Variants in GSE1 observed in about 807,000 individuals in gnomAD.
The protein encoded by GSE1 is Gse1 coiled-coil protein.
Under a neutral mutation model 112.6 loss-of-function variants are expected in GSE1, and 32 were observed. The observed-to-expected ratio is 0.28, with a 90% CI of 0.21 to 0.38. The LOEUF (loss-of-function observed/expected upper bound fraction) is 0.38. Among genes scored for constraint, GSE1 ranks in the 10% least tolerant of loss-of-function variants. GSE1 has a pLI of 1.00. For missense variants in GSE1, 2,348 were observed against 1,699.2 expected, an observed-to-expected ratio of 1.38 and a Z score of -6.71; for synonymous variants, 1,115 against 735.6, an observed-to-expected ratio of 1.52 and a Z score of -8.35.
At chr16:85,659,127 C>T (rs2052216550) in intron 8 of GSE1, among the ~76,000 whole-genome samples, 1 of 152,210 alleles carries the variant, frequency 6.6e-6, no homozygotes, top group Non-Finnish European at 1.5e-5. Context: ...CCTGTGGTTC[C>T]CTGTTGTATT....
intron 1 of GSE1, among the ~76,000 whole-genome samples, chr16:85,325,469 G>C (rs1474535511): frequency 1.3e-5 from 2 of 148,504 alleles, no homozygotes; most frequent in Non-Finnish European, 3.0e-5. Context: ...TTTTTTTTTT[G>C]AGACAGAGTT....
chr16:85,642,835 C>T (rs553990404), intron 2 of GSE1, among the ~76,000 whole-genome samples: 172 of 152,290 alleles, frequency 1.1e-3, no homozygotes, highest in Middle Eastern at 3.4e-3. Flanking sequence ...TCTCCGGGTG[C>T]CCTGCCCTCC....
chr16:85,640,707 G>A (rs765854308), intron 2 of GSE1, among the ~76,000 whole-genome samples: 18 of 152,246 alleles, frequency 1.2e-4, no homozygotes, highest in Non-Finnish European at 1.9e-4. Context: ...CCTTTCTGCC[G>A]CTGCCTCGGA....
chr16:85,436,369 C>T (rs2049246322), intron 2 of GSE1, among the ~76,000 whole-genome samples: 1 of 152,224 alleles, frequency 6.6e-6, no homozygotes, highest in African/African-American at 2.4e-5. Context: ...TGGCCCAGCC[C>T]ATCCTAGCCC....
At chr16:85,325,189 G>A (rs376996822) in intron 1 of GSE1, among the ~76,000 whole-genome samples, 5 of 151,866 alleles carry the variant, frequency 3.3e-5, no homozygotes, top group African/African-American at 1.2e-4. Flanking sequence ...GGCTGGTCTC[G>A]AACTGCTAGC....
At chr16:85,509,829 C>G (rs762366904) in intron 2 of GSE1, among the ~76,000 whole-genome samples, 57 of 147,072 alleles carry the variant, frequency 3.9e-4, no homozygotes, top group Non-Finnish European at 7.4e-4. Context: ...ACTGCAGGAA[C>G]CTTGGAGGTG....
intron 1 of GSE1, among the ~76,000 whole-genome samples, chr16:85,193,001 G>C (rs1011097632): frequency 6.6e-6 from 1 of 152,194 alleles, no homozygotes; most frequent in Non-Finnish European, 1.5e-5. Context: ...AGGGGGCTGG[G>C]AGCCTGCTAG....
At position 85,615,939 on chromosome 16, in the gene GSE1, C is replaced by T. The variant is rs1047404831; in HGVS notation, c.7+2541C>T. ...TTGGGGCCAGGCGTGGGGCGGACAC[C>T]GCGCTCACAGCAGGAAGCCTCCTCC... On this transcript the variant is annotated intron_variant, in intron 1 of 15. Transcript: ENST00000253458. Among the ~76,000 whole-genome samples the T allele has an allele frequency of 8.5e-5, 13 of 152,230 alleles. No individual in the cohort carries two copies. The East Asian group carries it at 1.3e-3, about 16-fold the overall frequency.
chr16:85,447,265 C>T (rs576385225), intron 2 of GSE1, among the ~76,000 whole-genome samples: 3 of 152,292 alleles, frequency 2.0e-5, no homozygotes, highest in Admixed American at 1.3e-4. Context: ...AGGATTCTTT[C>T]TTGGACCACT....
intron 2 of GSE1, among the ~76,000 whole-genome samples, chr16:85,383,119 G>A (rs2047596226): frequency 6.6e-6 from 1 of 151,474 alleles, no homozygotes; most frequent in Admixed American, 6.6e-5. Flanking sequence ...CCCACACACA[G>A]CTCTTGACAC....
intron 2 of GSE1, among the ~76,000 whole-genome samples, chr16:85,400,817 C>G (rs62048537): frequency 2.0e-5 from 3 of 151,202 alleles, no homozygotes; most frequent in East Asian, 2.0e-4. Flanking sequence ...GATTTTGTGT[C>G]TGTGATTATG....
At chr16:85,640,885 T>C (rs1431997853) in intron 2 of GSE1, among the ~76,000 whole-genome samples, 2 of 152,196 alleles carry the variant, frequency 1.3e-5, no homozygotes, top group African/African-American at 4.8e-5. Context: ...ATGGTGCCTC[T>C]CCGTTCTCCT....
At chr16:85,670,831 C>G in intron 14 of GSE1, 164 bp from the exon 15 acceptor site, 1 of 541,206 alleles carries the variant, frequency 1.8e-6, no homozygotes, top group Non-Finnish European at 3.4e-6. Context: ...TTTATCGGTA[C>G]AATTCAAAGG....
chr16:85,253,063 CCCCCCA>C (rs1906668225), intron 1 of GSE1, among the ~76,000 whole-genome samples: 22 of 75,558 alleles, frequency 2.9e-4, no homozygotes, highest in East Asian at 4.9e-4. Flanking sequence ...CCCCCGCCCC[CCCCCCA>C]CCCCCCCCCC....
At chr16:85,613,818 C>T (rs934870189) in intron 1 of GSE1, among the ~76,000 whole-genome samples, 1 of 149,092 alleles carries the variant, frequency 6.7e-6, no homozygotes, top group East Asian at 2.0e-4. Flanking sequence ...GGCTGTGCGC[C>T]CCCGCGGCAG....
chr16:85,366,057 G>T (rs1311595259), intron 2 of GSE1, among the ~76,000 whole-genome samples: 1 of 152,256 alleles, frequency 6.6e-6, no homozygotes, highest in Admixed American at 6.5e-5. Context: ...CCCTGGGACG[G>T]CTTTTGTCTC....
chr16:85,474,342 C>T (rs2050386184), intron 2 of GSE1, among the ~76,000 whole-genome samples: 1 of 152,158 alleles, frequency 6.6e-6, no homozygotes, highest in Admixed American at 6.5e-5. Flanking sequence ...CTGCCCTCTG[C>T]CCTCCTCCGC....
chr16:85,467,498 C>T (rs1304291266), intron 2 of GSE1, among the ~76,000 whole-genome samples: 2 of 152,188 alleles, frequency 1.3e-5, no homozygotes, highest in Non-Finnish European at 2.9e-5. Context: ...GGTTGGGGAG[C>T]ATCTTGCCGA....
At chr16:85,294,716 C>T (rs1278156411) in intron 1 of GSE1, among the ~76,000 whole-genome samples, 1 of 138,018 alleles carries the variant, frequency 7.2e-6, no homozygotes, top group Non-Finnish European at 1.6e-5. Flanking sequence ...ACCCTAGTCT[C>T]TCCATGATCT....
Sources: allele counts gnomAD v4.1 joint callset (sites outside exome capture counted in the v4.1 genomes callset), GRCh38; gene constraint gnomAD v4.1.1; transcripts MANE v1.5; gene names NCBI Gene and HGNC (gene_info 2026-07-23, HGNC 2026-07-21).